The following TMEM156 variants were observed in gnomAD, a reference collection of about 807,000 sequenced individuals.
TMEM156 encodes the protein transmembrane protein 156.
Under a neutral mutation model 30.5 loss-of-function variants are expected in TMEM156, and 28 were observed. The observed-to-expected ratio is 0.92, with a 90% CI of 0.68 to 1.26. TMEM156 has a LOEUF of 1.26. Ranked by LOEUF, TMEM156 falls within the 50% of genes most tolerant of loss-of-function variation. The pLI is 0.00. For synonymous variants in TMEM156, 137 were observed against 119.9 expected (o/e 1.14, Z -0.93); for missense variants, 351 against 340.6 (o/e 1.03, Z -0.24).
rs113203889 is a variant in TMEM156, at chr4:39,029,580, A to G, written c.88+2646T>C. On this transcript the variant is annotated intron_variant, in intron 1 of 6. Transcript: ENST00000381938. ...ATACAAAAAATTAGCCGGGCGTGGTAGCGGGCGCCTGTAGTCCCAGCTACT... is the reference window on the plus strand; with the variant it reads ...ATACAAAAAATTAGCCGGGCGTGGTGGCGGGCGCCTGTAGTCCCAGCTACT... Among the ~76,000 whole-genome samples, 45 of 63,802 alleles carry G rather than the reference A, an allele frequency of 7.1e-4. 19 individuals are homozygous for G. Among genetic ancestry groups the G allele is most frequent in the African/African-American group, 3.9e-3 (42 of 10,718 alleles). 41.9% of individuals were successfully genotyped at this position (63,802 alleles called of 152,430 possible).
At chr4:38,990,149 A>G (rs1712317638) in intron 3 of TMEM156, among the ~76,000 whole-genome samples, 1 of 152,206 alleles carries the variant, frequency 6.6e-6, no homozygotes, top group Non-Finnish European at 1.5e-5. Context: ...CATACAAAAG[A>G]CAGCTAGTAC....
At chr4:39,016,841 C>A (rs866537106) in intron 1 of TMEM156, among the ~76,000 whole-genome samples, 6 of 152,008 alleles carry the variant, frequency 3.9e-5, no homozygotes, top group Non-Finnish European at 5.9e-5. Context: ...AAGACATACC[C>A]GAGACTGGGT....
intron 5 of TMEM156, among the ~76,000 whole-genome samples, chr4:38,976,383 C>T (rs1248457367): frequency 6.6e-6 from 1 of 151,796 alleles, no homozygotes; most frequent in Admixed American, 6.6e-5. Context: ...CCTCTGGGAC[C>T]TGAGGACAGC....
At chr4:38,991,473 A>C (rs1282001957) in intron 3 of TMEM156, among the ~76,000 whole-genome samples, 1 of 149,752 alleles carries the variant, frequency 6.7e-6, no homozygotes, top group African/African-American at 2.5e-5. Context: ...CACCCACCTC[A>C]GCCTCCCAAA....
chr4:38,995,583 C>T (rs1433842033), intron 2 of TMEM156, among the ~76,000 whole-genome samples: 2 of 152,138 alleles, frequency 1.3e-5, no homozygotes, highest in African/African-American at 2.4e-5. Context: ...GGCGTGGTGG[C>T]GCACGCCTAT....
At chr4:39,001,538 C>CT (rs146479167) in intron 1 of TMEM156, among the ~76,000 whole-genome samples, 37,364 of 145,920 alleles carry the variant, frequency 0.26, 5,140 homozygotes, top group East Asian at 0.44. Context: ...AGAATTACTT[C>CT]TTCTTTTTTT....
chr4:38,986,405 G>A lies in TMEM156; in HGVS notation c.754C>T (p.Pro252Ser). 4 of 1,612,446 alleles carry A rather than the reference G, an allele frequency of 2.5e-6. No individual in the cohort carries two copies. The highest frequency in any genetic ancestry group is 3.4e-6 in the Non-Finnish European group (4 of 1,178,620). ...CTTCCTCTTAAGAGAACAGATGTAG[G>A]TTTGTCTCTATGACCTATTCCCAGA... is the stretch of plus-strand genomic sequence containing the variant. ...VQKWQSHRDK[P>S]TSVLLRGSDS... The change falls in exon 5 of 7, where the codon CCT becomes TCT. Residue 252 changes from proline to serine, a missense_variant. Pro to Ser is a moderately conservative substitution (Grantham distance 74). Transcript: ENST00000381938.
At chr4:38,980,397 A>G (rs1455027101) in intron 5 of TMEM156, among the ~76,000 whole-genome samples, 4 of 152,214 alleles carry the variant, frequency 2.6e-5, no homozygotes, top group Non-Finnish European at 5.9e-5. Flanking sequence ...TTTGTAAGAC[A>G]GCAGCAGCCA....
intron 1 of TMEM156, among the ~76,000 whole-genome samples, chr4:39,014,810 CT>C (rs1193287041): frequency 3.4e-5 from 5 of 148,380 alleles, no homozygotes; most frequent in African/African-American, 4.9e-5. Flanking sequence ...AAATTTTCAT[CT>C]TTTTTTAAAA....
At chr4:38,984,506 T>C (rs933985296) in intron 5 of TMEM156, among the ~76,000 whole-genome samples, 21 of 151,230 alleles carry the variant, frequency 1.4e-4, no homozygotes, top group African/African-American at 5.1e-4. Context: ...TGAACTACAT[T>C]TTTTTTTTCT....
At chr4:39,015,174 C>A (rs1285772837) in intron 1 of TMEM156, among the ~76,000 whole-genome samples, 3 of 152,028 alleles carry the variant, frequency 2.0e-5, no homozygotes, top group South Asian at 2.1e-4. Context: ...GTTACTTGTA[C>A]CTTCTCTCAT....
At chr4:39,023,115 G>A (rs897806658) in intron 1 of TMEM156, among the ~76,000 whole-genome samples, 1 of 152,138 alleles carries the variant, frequency 6.6e-6, no homozygotes, top group Non-Finnish European at 1.5e-5. Flanking sequence ...TATAAGAAGA[G>A]ACCAGAGAGG....
chr4:39,001,223 A>AAG (rs1195444305), intron 1 of TMEM156, among the ~76,000 whole-genome samples: 4 of 149,432 alleles, frequency 2.7e-5, no homozygotes, highest in Non-Finnish European at 5.9e-5. Flanking sequence ...ACAAAAAAAA[A>AAG]AAAAAAAGAA....
At chr4:39,007,621 A>AT (rs993778305) in intron 1 of TMEM156, among the ~76,000 whole-genome samples, 1 of 151,658 alleles carries the variant, frequency 6.6e-6, no homozygotes, top group African/African-American at 2.4e-5. Flanking sequence ...CACCCAGCTC[A>AT]TTTTTTTGGT....
chr4:39,031,098 A>T lies in TMEM156; in HGVS notation c.88+1128T>A, dbSNP rs150645168. Among the ~76,000 whole-genome samples, 27 of 152,376 alleles carry T rather than the reference A, an allele frequency of 1.8e-4. No individual in the cohort carries two copies. In the East Asian group the frequency reaches 5.2e-3, roughly 29 times the overall value. ...GCATTACATATATGCAACAATAAAT[A>T]TTCATTGCAGCAAATAATCAAATAT... On this transcript the variant is annotated intron_variant, in intron 1 of 6. Coordinates refer to ENST00000381938, the MANE Select transcript of TMEM156 (RefSeq NM_024943.3).
chr4:39,001,668 C>T (rs1381454446), intron 1 of TMEM156, among the ~76,000 whole-genome samples: 21 of 147,474 alleles, frequency 1.4e-4, no homozygotes, highest in Admixed American at 2.0e-4. Flanking sequence ...CAGCATGGTA[C>T]TGGTACCAAA....
intron 1 of TMEM156, among the ~76,000 whole-genome samples, chr4:39,019,738 A>G (rs1477067540): frequency 2.0e-5 from 3 of 152,218 alleles, no homozygotes; most frequent in Admixed American, 6.5e-5. Flanking sequence ...TGAGATATAT[A>G]TATTGTTAGG....
intron 5 of TMEM156, among the ~76,000 whole-genome samples, chr4:38,977,941 G>T (rs1722953736): frequency 6.6e-6 from 1 of 152,204 alleles, no homozygotes; most frequent in Middle Eastern, 3.2e-3. Flanking sequence ...TTTAGATAAA[G>T]ATTTCTATCG....
chr4:39,018,514 CT>C (rs1714649815), intron 1 of TMEM156, among the ~76,000 whole-genome samples: 1 of 151,972 alleles, frequency 6.6e-6, no homozygotes, highest in African/African-American at 2.4e-5. Flanking sequence ...TTTAGAAGTT[CT>C]TTCACTGAGG....
Sources: gnomAD v4.1 joint callset for allele counts (sites outside exome capture counted in the v4.1 genomes callset) on GRCh38, gnomAD v4.1.1 for gene constraint, MANE v1.5 for transcripts, NCBI Gene and HGNC (gene_info 2026-07-23, HGNC 2026-07-21) for gene names.